The following TENM1 variants were observed in gnomAD, a reference collection of about 807,000 sequenced individuals.
TENM1 encodes teneurin transmembrane protein 1, also known as teneurin-1.
TENM1 carries 35 observed loss-of-function variants against 174.8 expected under a neutral mutation model. The ratio of observed to expected loss-of-function variants is 0.20; its 90% CI spans 0.15 to 0.27. The LOEUF (loss-of-function observed/expected upper bound fraction) is 0.27, where lower values mean the gene tolerates loss of function less well. Ranked by LOEUF, TENM1 falls within the 10% of genes least tolerant of loss-of-function variation. TENM1 has a pLI of 1.00. For missense variants in TENM1, 1,633 were observed against 2,130.1 expected (o/e 0.77, Z 4.59); for synonymous variants, 781 against 798.7 (o/e 0.98, Z 0.37).
chrX:124,644,161 C>T (rs2051093837), intron 10 of TENM1, among the ~76,000 whole-genome samples: 1 of 92,422 alleles, frequency 1.1e-5, no homozygotes, highest in African/African-American at 4.1e-5. Context: ...ATATATATGG[C>T]ATATATGGCA....
chrX:124,808,904 C>T (rs1308119749), intron 3 of TENM1, among the ~76,000 whole-genome samples: 1 of 111,161 alleles, frequency 9.0e-6, no homozygotes, highest in Admixed American at 9.5e-5. Context: ...AAATAAACAG[C>T]CTAATATTGC....
intron 3 of TENM1, among the ~76,000 whole-genome samples, chrX:124,829,735 G>A (rs2056248110): frequency 8.9e-6 from 1 of 111,981 alleles, no homozygotes; most frequent in Non-Finnish European, 1.9e-5. Flanking sequence ...GCTTAGTTTG[G>A]ACAACTTCAC....
In TENM1 at chrX:124,952,735, A is replaced by T. The variant is rs780377023; in HGVS notation, c.217+10802T>A. ...TGAAAGGTTTGGGTGTGTCCTTATT[A>T]ATTATTTTTGCCTTTGAGCTTATTT... On this transcript the variant is annotated intron_variant, in intron 1 of 31. Transcript: ENST00000422452. Among the ~76,000 whole-genome samples, 5 of 111,346 alleles carry T rather than the reference A, an allele frequency of 4.5e-5. No homozygotes were observed. In the East Asian group the frequency reaches 1.1e-3, roughly 25 times the overall value.
At chrX:124,966,676 AC>A (rs2058731966), upstream of TENM1, among the ~76,000 whole-genome samples, 1 of 110,307 alleles carries the variant, frequency 9.1e-6, no homozygotes, top group African/African-American at 3.3e-5. Flanking sequence ...AAAAAAAAAA[AC>A]CAAAAAATGG....
At chrX:124,904,291 G>C (rs1413665802) in intron 1 of TENM1, among the ~76,000 whole-genome samples, 1 of 111,676 alleles carries the variant, frequency 9.0e-6, no homozygotes, top group Non-Finnish European at 1.9e-5. Context: ...AGATAGAATG[G>C]TACAACAGAG....
intron 5 of TENM1, among the ~76,000 whole-genome samples, chrX:124,684,676 A>C (rs1177150577): frequency 1.8e-5 from 2 of 111,611 alleles, no homozygotes; most frequent in African/African-American, 3.3e-5. Flanking sequence ...TCAGGCTCCC[A>C]CCCCAGTATC....
At chrX:124,462,227 T>C (rs780572732) in intron 22 of TENM1, among the ~76,000 whole-genome samples, 1 of 110,111 alleles carries the variant, frequency 9.1e-6, no homozygotes, top group East Asian at 2.8e-4. Context: ...CCTTCCACTG[T>C]AGGCTGGCTG....
At chrX:124,619,384 G>T (rs1292638640) in intron 11 of TENM1, among the ~76,000 whole-genome samples, 1 of 111,939 alleles carries the variant, frequency 8.9e-6, no homozygotes, top group African/African-American at 3.2e-5. Flanking sequence ...ATAGCTCCAA[G>T]ACATATTGTT....
intron 3 of TENM1, among the ~76,000 whole-genome samples, chrX:124,791,075 A>G (rs1603203390): frequency 8.9e-6 from 1 of 112,237 alleles, no homozygotes; most frequent in East Asian, 2.8e-4. Context: ...GCCAATAATT[A>G]CTTGCATCAA....
chrX:124,891,207 A>G (rs1443505375), intron 3 of TENM1, among the ~76,000 whole-genome samples: 2 of 111,354 alleles, frequency 1.8e-5, no homozygotes, highest in African/African-American at 3.3e-5. Context: ...AAAATATAGT[A>G]AGATAGAATG....
the TENM1 span, among the ~76,000 whole-genome samples, chrX:125,075,027 T>C: frequency 1.8e-5 from 2 of 111,946 alleles, no homozygotes; most frequent in Non-Finnish European, 3.8e-5. Context: ...AGTTAATTGA[T>C]AGAATTGTGC....
chrX:124,438,603 T>A (rs1342398516), intron 23 of TENM1, among the ~76,000 whole-genome samples: 1 of 112,151 alleles, frequency 8.9e-6, no homozygotes, highest in Non-Finnish European at 1.9e-5. Context: ...GGGAGTTTTA[T>A]TTATGTGATA....
the TENM1 span, among the ~76,000 whole-genome samples, chrX:125,112,027 A>G: frequency 2.0e-4 from 22 of 110,161 alleles, no homozygotes; most frequent in Non-Finnish European, 4.0e-4. Flanking sequence ...CTATTATGCA[A>G]TTTTTCAGAT....
the TENM1 span, among the ~76,000 whole-genome samples, chrX:125,053,554 G>T: frequency 8.9e-6 from 1 of 112,118 alleles, no homozygotes; most frequent in South Asian, 3.7e-4. Flanking sequence ...ACTGGTAGTG[G>T]CTGCAGGGTG....
chrX:124,870,170 C>T (rs112941557), intron 3 of TENM1, among the ~76,000 whole-genome samples: 3 of 111,473 alleles, frequency 2.7e-5, no homozygotes, highest in Non-Finnish European at 5.6e-5. Context: ...TCAATCAAAA[C>T]CAGTTATTCA....
At chrX:124,385,320 T>C (rs2060206313) in intron 29 of TENM1, among the ~76,000 whole-genome samples, 1 of 112,228 alleles carries the variant, frequency 8.9e-6, no homozygotes, top group Admixed American at 9.4e-5. Context: ...TGTCATCAAC[T>C]GAGGCTTATA....
the TENM1 span, among the ~76,000 whole-genome samples, chrX:125,119,106 TA>T: frequency 8.9e-6 from 1 of 112,231 alleles, no homozygotes; most frequent in African/African-American, 3.2e-5. Flanking sequence ...AAATTTGATT[TA>T]AAAAAACTTG....
the TENM1 span, among the ~76,000 whole-genome samples, chrX:125,128,861 G>A: frequency 1.8e-5 from 2 of 111,793 alleles, no homozygotes; most frequent in Admixed American, 1.9e-4. Flanking sequence ...TTGTGCTGAT[G>A]CTGTTGGTGT....
At chrX:124,389,424 C>G (rs1327659298) in intron 28 of TENM1, among the ~76,000 whole-genome samples, 1 of 111,899 alleles carries the variant, frequency 8.9e-6, no homozygotes, top group Non-Finnish European at 1.9e-5. Context: ...CTGCTCTGCC[C>G]CTGTCATAGT....
Sources: allele counts gnomAD v4.1 joint callset (sites outside exome capture counted in the v4.1 genomes callset), GRCh38; gene constraint gnomAD v4.1.1; transcripts MANE v1.5; gene names NCBI Gene and HGNC (gene_info 2026-07-23, HGNC 2026-07-21).